ERBB4: variants seen among roughly 807,000 people sequenced by gnomAD.
ERBB4 encodes receptor tyrosine-protein kinase erbB-4.
In ERBB4, 42 loss-of-function variants were observed where a neutral mutation model predicts 158.0. That is an observed-to-expected ratio of 0.27 (90% CI 0.21 to 0.34). The LOEUF (loss-of-function observed/expected upper bound fraction) is 0.34. Ranked by LOEUF, ERBB4 falls within the 10% of genes least tolerant of loss-of-function variation. The pLI is 1.00. For missense variants in ERBB4, 1,333 were observed against 1,624.1 expected (o/e 0.82, Z 3.08); for synonymous variants, 583 against 558.7 (o/e 1.04, Z -0.61).
At chr2:212,188,188 C>CGG (rs2082073068) in intron 1 of ERBB4, among the ~76,000 whole-genome samples, 2 of 11,638 alleles carry the variant, frequency 1.7e-4, no homozygotes, top group African/African-American at 3.0e-4. Context: ...CTTCAGGTCT[C>CGG]TCTCTCTCTC....
chr2:212,058,319 G>C (rs2077646144), intron 2 of ERBB4, among the ~76,000 whole-genome samples: 1 of 152,088 alleles, frequency 6.6e-6, no homozygotes, highest in East Asian at 1.9e-4. Context: ...CCCAAAAAAA[G>C]TCCAGGACCA....
At chr2:212,436,024 T>A (rs940241413) in intron 1 of ERBB4, among the ~76,000 whole-genome samples, 3 of 151,860 alleles carry the variant, frequency 2.0e-5, no homozygotes, top group African/African-American at 7.2e-5. Flanking sequence ...ATTCAGTACA[T>A]GGCCCAAGAC....
intron 3 of ERBB4, among the ~76,000 whole-genome samples, chr2:211,940,685 C>T (rs1025406852): frequency 6.6e-6 from 1 of 152,110 alleles, no homozygotes; most frequent in African/African-American, 2.4e-5. Context: ...ATGCCCTGAG[C>T]AGATCATCTT....
chr2:211,807,449 C>T (rs892495791), intron 3 of ERBB4, among the ~76,000 whole-genome samples: 1 of 152,156 alleles, frequency 6.6e-6, no homozygotes, highest in African/African-American at 2.4e-5. Flanking sequence ...TAGCTTCATC[C>T]ATGTCCCTAC....
chr2:211,647,639 G>A (rs1350003309), intron 16 of ERBB4, among the ~76,000 whole-genome samples: 1 of 151,466 alleles, frequency 6.6e-6, no homozygotes, highest in African/African-American at 2.4e-5. Flanking sequence ...ACTAAGTATG[G>A]TATTACATTT....
intron 1 of ERBB4, among the ~76,000 whole-genome samples, chr2:212,432,078 A>C (rs1402384399): frequency 6.6e-6 from 1 of 152,206 alleles, no homozygotes; most frequent in South Asian, 2.1e-4. Flanking sequence ...TAAAAGGCAA[A>C]TGAAAAACAG....
chr2:211,645,620 CATT>C (rs2070757732), intron 16 of ERBB4, among the ~76,000 whole-genome samples: 1 of 151,686 alleles, frequency 6.6e-6, no homozygotes, highest in South Asian at 2.1e-4. Flanking sequence ...ACTATAAACT[CATT>C]AGAAGAAATT....
intron 4 of ERBB4, among the ~76,000 whole-genome samples, chr2:211,762,114 C>T (rs1161109096): frequency 6.6e-6 from 1 of 152,146 alleles, no homozygotes; most frequent in Non-Finnish European, 1.5e-5. Context: ...CATCGCAACA[C>T]ATTACATAAC....
chr2:212,476,738 T>C (rs1689423869), intron 1 of ERBB4, among the ~76,000 whole-genome samples: 1 of 152,096 alleles, frequency 6.6e-6, no homozygotes, highest in African/African-American at 2.4e-5. Flanking sequence ...ATTAAAAAGT[T>C]TTATAACTAT....
At chr2:211,577,215 T>C (rs758039122) in intron 19 of ERBB4, among the ~76,000 whole-genome samples, 3 of 152,092 alleles carry the variant, frequency 2.0e-5, no homozygotes, top group Non-Finnish European at 4.4e-5. Flanking sequence ...GGAATACAAA[T>C]AGATCAGCTT....
chr2:212,197,554 A>G (rs2082465428), intron 1 of ERBB4, among the ~76,000 whole-genome samples: 1 of 152,230 alleles, frequency 6.6e-6, no homozygotes, highest in South Asian at 2.1e-4. Flanking sequence ...CCATAAATAC[A>G]GAACTATGTT....
intron 2 of ERBB4, among the ~76,000 whole-genome samples, chr2:212,057,505 T>C (rs2077618203): frequency 6.6e-6 from 1 of 152,174 alleles, no homozygotes; most frequent in African/African-American, 2.4e-5. Context: ...TCACACTGAT[T>C]CCAAAACTGA....
intron 3 of ERBB4, among the ~76,000 whole-genome samples, chr2:211,869,986 G>C (rs1014840183): frequency 2.0e-5 from 3 of 152,062 alleles, no homozygotes; most frequent in Non-Finnish European, 4.4e-5. Flanking sequence ...TTGTGACCTA[G>C]ACTGTCATAT....
At chr2:212,138,854 C>T (rs1158483014) in intron 1 of ERBB4, among the ~76,000 whole-genome samples, 1 of 152,006 alleles carries the variant, frequency 6.6e-6, no homozygotes, top group East Asian at 1.9e-4. Context: ...TACTTAATAA[C>T]GATATGATTG....
intron 1 of ERBB4, among the ~76,000 whole-genome samples, chr2:212,411,269 A>G (rs1336292230): frequency 6.6e-6 from 1 of 152,120 alleles, no homozygotes; most frequent in Admixed American, 6.6e-5. Flanking sequence ...GAAACAGGCT[A>G]CAAGCAGTCC....
intron 1 of ERBB4, among the ~76,000 whole-genome samples, chr2:212,316,782 T>C (rs1320748055): frequency 6.6e-6 from 1 of 151,536 alleles, no homozygotes. Flanking sequence ...AAACTATGTG[T>C]ATACACTAAA....
chr2:212,090,541 C>T (rs1205119669), intron 2 of ERBB4, among the ~76,000 whole-genome samples: 2 of 152,134 alleles, frequency 1.3e-5, no homozygotes, highest in Non-Finnish European at 2.9e-5. Context: ...GTGCCTTCAA[C>T]TCCTGAAAAC....
intron 1 of ERBB4, among the ~76,000 whole-genome samples, chr2:212,152,924 C>T (rs1003559252): frequency 2.0e-5 from 3 of 152,104 alleles, no homozygotes; most frequent in Non-Finnish European, 4.4e-5. Flanking sequence ...CATTAAGAGG[C>T]ATCACATGTT....
chr2:211,905,687 C>T (rs868841658), intron 3 of ERBB4, among the ~76,000 whole-genome samples: 1,021 of 95,086 alleles, frequency 0.011, 11 homozygotes, highest in African/African-American at 0.021. Context: ...TATATACACA[C>T]ATATATGTGT....
Sources: allele counts gnomAD v4.1 joint callset (sites outside exome capture counted in the v4.1 genomes callset), GRCh38; gene constraint gnomAD v4.1.1; transcripts MANE v1.5; gene names NCBI Gene and HGNC (gene_info 2026-07-23, HGNC 2026-07-21).